The following CNTNAP2 variants were observed in gnomAD, a reference collection of about 807,000 sequenced individuals.
CNTNAP2 encodes the protein contactin associated protein 2.
A neutral mutation model predicts 155.2 loss-of-function variants in CNTNAP2; 98 were observed. The observed-to-expected ratio is 0.63, with a 90% CI of 0.54 to 0.75. The LOEUF (loss-of-function observed/expected upper bound fraction) is 0.75, where lower values mean the gene tolerates loss of function less well. Ranked by LOEUF, CNTNAP2 falls within the 30% of genes least tolerant of loss-of-function variation. CNTNAP2 has a pLI of 0.00. For synonymous variants in CNTNAP2, 651 were observed against 631.2 expected, an observed-to-expected ratio of 1.03 and a Z score of -0.47; for missense variants, 1,727 against 1,688.1, an observed-to-expected ratio of 1.02 and a Z score of -0.40.
chr7:147,424,775 CT>C (rs1333845021), intron 10 of CNTNAP2, among the ~76,000 whole-genome samples: 1 of 152,148 alleles, frequency 6.6e-6, no homozygotes, highest in African/African-American at 2.4e-5. Flanking sequence ...AAATGTTTCT[CT>C]CTCAGTTTTC....
chr7:148,408,418 A>G (rs1455730322), intron 22 of CNTNAP2, among the ~76,000 whole-genome samples: 1 of 152,238 alleles, frequency 6.6e-6, no homozygotes, highest in African/African-American at 2.4e-5. Context: ...ATCCCGGATA[A>G]TCTTGGAAGT....
rs145227618 is a variant in CNTNAP2, at chr7:146,533,887, A to G, written c.98-240384A>G. ...ATTTCTTAACAATTATTTATTAATTATAGATAAAATACTAGATGTTATTGG... is the reference window on the plus strand; with the variant it reads ...ATTTCTTAACAATTATTTATTAATTGTAGATAAAATACTAGATGTTATTGG... On this transcript the variant is annotated intron_variant, in intron 1 of 23. Transcript: ENST00000361727. 1.2e-3 allele frequency among the ~76,000 whole-genome samples: 176 copies of G among 152,306 alleles called. 1 individual carries two copies. Among genetic ancestry groups the G allele is most frequent in the Non-Finnish European group, 2.1e-3 (141 of 68,034 alleles).
At chr7:146,561,174 GAT>G (rs1190158944) in intron 1 of CNTNAP2, among the ~76,000 whole-genome samples, 11 of 152,036 alleles carry the variant, frequency 7.2e-5, no homozygotes, top group Non-Finnish European at 7.4e-5. Context: ...TTTCTTTAAT[GAT>G]AGAAAATTGT....
intron 17 of CNTNAP2, 79 bp downstream of exon 17, chr7:148,147,788 A>C (rs1805220511): frequency 3.7e-6 from 5 of 1,334,758 alleles, no homozygotes; most frequent in Non-Finnish European, 5.3e-6. Context: ...AAAAAAAATC[A>C]GCCTATGCAA....
chr7:147,002,752 T>G (rs1049442636), intron 3 of CNTNAP2, among the ~76,000 whole-genome samples: 1 of 151,726 alleles, frequency 6.6e-6, no homozygotes, highest in African/African-American at 2.4e-5. Flanking sequence ...TGTCCTTACA[T>G]GTGGAAGAAT....
rs188433542 is a variant in CNTNAP2, at chr7:146,992,998, C to T, written c.403-50909C>T. On this transcript the variant is annotated intron_variant, in intron 3 of 23. Coordinates refer to ENST00000361727, the MANE Select transcript of CNTNAP2 (RefSeq NM_014141.6). ...GCCATGCGGTTACCAGCAGTGAATC[C>T]GTATGGGTCTGCAGCAACCTCAGTT... is the stretch of plus-strand genomic sequence containing the variant. Among the ~76,000 whole-genome samples, 30 of 152,224 alleles carry T rather than the reference C, an allele frequency of 2.0e-4. No individual in the cohort carries two copies. In the East Asian group the frequency reaches 5.2e-3, roughly 26 times the overall value.
intron 15 of CNTNAP2, among the ~76,000 whole-genome samples, chr7:147,992,440 A>T (rs1243368736): frequency 6.6e-6 from 1 of 152,096 alleles, no homozygotes; most frequent in Non-Finnish European, 1.5e-5. Context: ...ATAAATCCTA[A>T]TTCAAAAGTC....
chr7:147,491,292 T>A (rs1391624652), intron 11 of CNTNAP2, among the ~76,000 whole-genome samples: 1 of 152,018 alleles, frequency 6.6e-6, no homozygotes, highest in African/African-American at 2.4e-5. Flanking sequence ...CCCTGCACTC[T>A]CATACCCTTG....
intron 13 of CNTNAP2, among the ~76,000 whole-genome samples, chr7:147,755,188 T>C (rs1390934602): frequency 6.6e-6 from 1 of 152,160 alleles, no homozygotes; most frequent in Non-Finnish European, 1.5e-5. Flanking sequence ...TGATAAGAAG[T>C]GTCAGGGAGA....
intron 8 of CNTNAP2, among the ~76,000 whole-genome samples, chr7:147,281,256 C>A (rs1003171984): frequency 1.3e-5 from 2 of 151,764 alleles, no homozygotes; most frequent in Non-Finnish European, 2.9e-5. Flanking sequence ...CATCAGCATT[C>A]AATATAGGAA....
chr7:148,002,586 G>T (rs1185229320), intron 15 of CNTNAP2, among the ~76,000 whole-genome samples: 1 of 151,942 alleles, frequency 6.6e-6, no homozygotes, highest in African/African-American at 2.4e-5. Flanking sequence ...TAGTTAGCCT[G>T]TAAAATTCAT....
intron 1 of CNTNAP2, among the ~76,000 whole-genome samples, chr7:146,500,191 C>A (rs1797280437): frequency 6.6e-6 from 1 of 151,932 alleles, no homozygotes; most frequent in Non-Finnish European, 1.5e-5. Flanking sequence ...TAGGTGTTAC[C>A]AAAACAGATT....
intron 3 of CNTNAP2, among the ~76,000 whole-genome samples, chr7:147,038,169 T>C (rs1340091291): frequency 1.3e-5 from 2 of 152,008 alleles, no homozygotes; most frequent in African/African-American, 4.8e-5. Context: ...AAATAAAATA[T>C]AACAATAAAA....
intron 21 of CNTNAP2, among the ~76,000 whole-genome samples, chr7:148,294,143 C>T (rs1563029174): frequency 1.3e-5 from 2 of 151,512 alleles, no homozygotes; most frequent in Admixed American, 6.6e-5. Context: ...TGCCATGCCT[C>T]GAGCCCTGAA....
intron 1 of CNTNAP2, among the ~76,000 whole-genome samples, chr7:146,368,279 A>G (rs886120958): frequency 1.3e-5 from 2 of 152,190 alleles, no homozygotes; most frequent in African/African-American, 4.8e-5. Flanking sequence ...TTGAAGTATT[A>G]TATATATTTT....
At chr7:147,281,162 T>G (rs1805025193) in intron 8 of CNTNAP2, among the ~76,000 whole-genome samples, 1 of 151,914 alleles carries the variant, frequency 6.6e-6, no homozygotes, top group South Asian at 2.1e-4. Flanking sequence ...CATATGTAAC[T>G]TTAAAGAAGG....
At chr7:147,011,247 C>G (rs1412892576) in intron 3 of CNTNAP2, among the ~76,000 whole-genome samples, 1 of 151,664 alleles carries the variant, frequency 6.6e-6, no homozygotes, top group Non-Finnish European at 1.5e-5. Flanking sequence ...AACCCCGTCT[C>G]TACTAAAAAT....
intron 21 of CNTNAP2, among the ~76,000 whole-genome samples, chr7:148,315,730 C>A (rs866837897): frequency 2.0e-5 from 3 of 152,156 alleles, no homozygotes; most frequent in African/African-American, 7.2e-5. Flanking sequence ...ACCTTTCTAG[C>A]CTAATGAGAA....
intron 2 of CNTNAP2, among the ~76,000 whole-genome samples, chr7:146,809,448 A>G (rs951209175): frequency 4.6e-5 from 7 of 151,624 alleles, no homozygotes; most frequent in African/African-American, 1.7e-4. Flanking sequence ...TGCAAACTCA[A>G]CCTCTCAGGT....
Sources: allele counts gnomAD v4.1 joint callset (sites outside exome capture counted in the v4.1 genomes callset), GRCh38; gene constraint gnomAD v4.1.1; transcripts MANE v1.5; gene names NCBI Gene and HGNC (gene_info 2026-07-23, HGNC 2026-07-21).